Variants in ACOT7 observed in about 807,000 individuals in gnomAD.
The protein encoded by ACOT7 is cytosolic acyl coenzyme A thioester hydrolase.
A neutral mutation model predicts 40.2 loss-of-function variants in ACOT7; 12 were observed. That is an observed-to-expected ratio of 0.30 (90% CI 0.19 to 0.48). The LOEUF (loss-of-function observed/expected upper bound fraction) is 0.48. ACOT7 is among the 20% of genes least tolerant of loss of function. The pLI, the probability that ACOT7 is intolerant of heterozygous loss-of-function variation, is 0.99. For synonymous variants in ACOT7, 228 were observed against 219.5 expected, an observed-to-expected ratio of 1.04 and a Z score of -0.34; for missense variants, 395 against 530.8, an observed-to-expected ratio of 0.74 and a Z score of 2.51.
chr1:6,322,020 GGCCCAC>G (rs112707745), intron 5 of ACOT7, among the ~76,000 whole-genome samples: 2,115 of 152,320 alleles, frequency 0.014, 50 homozygotes, highest in African/African-American at 0.048. Context: ...GACCCTGGCA[GGCCCAC>G]GCTGAAGCAG....
rs1292430264 is a variant in ACOT7, at chr1:6,306,794, G to A, written c.712+11698C>T. 6.2e-6 allele frequency: 8 copies of A among 1,288,472 alleles called. No individual in the cohort carries two copies. Among genetic ancestry groups the A allele is most frequent in the African/African-American group, 1.5e-5 (1 of 65,832 alleles). The allele number at this position is 1,288,472 out of a possible 1,614,324, so 79.8% of individuals were successfully genotyped here. A position where few individuals can be genotyped will look rare whatever the true frequency, so the allele number is the denominator to read the frequency against. ...GGTCTGGTGTGTTGTGTCCCACGTA[G>A]CAGTGGGGGCTCCGGCCAAACAAGG... On this transcript the variant is annotated intron_variant, in intron 6 of 8. Coordinates refer to ENST00000361521, the MANE Select transcript of ACOT7 (RefSeq NM_007274.4). The surrounding 1 kb of genome is among the most constrained non-coding windows in gnomAD (Gnocchi z 4.3).
At position 6,393,342 on chromosome 1, in the gene ACOT7, G is replaced by C; in HGVS notation, c.58C>G (p.Leu20Val). The change falls in exon 1 of 9, where the codon CTG (leucine) becomes GTG (valine). Residue 20 changes from leucine (L) to valine (V), a missense_variant. Around this residue, in one of 2 missense-constraint regions of ACOT7, gnomAD observed 86 missense variants for 60.5 expected, o/e 1.42. Coordinates refer to ENST00000361521, the MANE Select transcript of ACOT7 (RefSeq NM_007274.4). ...GCGGCGGATGCGGCGGGCGGCTGCA[G>C]AAGGGCGCAGGTGTCTGGCAGGCCC... ...APGLPDTCAL[L>V]QPPAASAAAA... The C allele has an allele frequency of 8.0e-7, 1 of 1,254,720 alleles. No homozygotes were observed. Among genetic ancestry groups the C allele is most frequent in the Non-Finnish European group, 1.0e-6 (1 of 999,846 alleles). The allele number at this position is 1,254,720 out of a possible 1,614,324, so 77.7% of individuals were successfully genotyped here. A position where few individuals can be genotyped will look rare whatever the true frequency, so the allele number is the denominator to read the frequency against.
At chr1:6,320,458 T>C (rs1234149277) in intron 5 of ACOT7, among the ~76,000 whole-genome samples, 1 of 152,130 alleles carries the variant, frequency 6.6e-6, no homozygotes, top group African/African-American at 2.4e-5. Flanking sequence ...GCTTTCCTAG[T>C]GGGGTAGATT....
rs1639276639 is a variant in ACOT7, at chr1:6,278,915, G to A, written c.1014+2187C>T. Among the ~76,000 whole-genome samples, 1 of 152,204 alleles carries A rather than the reference G, an allele frequency of 6.6e-6. No homozygotes were observed. The highest frequency in any genetic ancestry group is 2.4e-5 in the African/African-American group (1 of 41,446). The stretch of plus-strand genomic sequence containing the variant: ...CTGTCCATGCTGCCCGCAGAGGGAA[G>A]ACAGAACTGGGAAAGTTTGTCCAGG... On this transcript the variant is annotated intron_variant, in intron 8 of 8. Coordinates refer to ENST00000361521, the MANE Select transcript of ACOT7 (RefSeq NM_007274.4). This position sits in a 1 kb window ranked among gnomAD's most constrained non-coding sequence, Gnocchi z 4.1.
rs952039006 is a variant in ACOT7 at position 6,301,952 on chromosome 1, G to C, written c.713-6972C>G. Among the ~76,000 whole-genome samples, 2 of 152,244 alleles carry C rather than the reference G, an allele frequency of 1.3e-5. No homozygotes were observed. The highest frequency in any genetic ancestry group is 2.4e-5 in the African/African-American group (1 of 41,460). ...CAGAGTTTAGATCAGCGGCAGACCT[G>C]CTATGAAACAACAACTTTATACTAA... is the stretch of plus-strand genomic sequence containing the variant. On this transcript the variant is annotated intron_variant, in intron 6 of 8. Transcript: ENST00000361521. This position sits in a 1 kb window ranked among gnomAD's most constrained non-coding sequence, Gnocchi z 4.1.
chr1:6,308,286 A>C (rs890433659), intron 6 of ACOT7, among the ~76,000 whole-genome samples: 6 of 150,714 alleles, frequency 4.0e-5, no homozygotes, highest in African/African-American at 1.5e-4. Flanking sequence ...AGGAACAGCC[A>C]CAGGCAGAGG....
intron 1 of ACOT7, among the ~76,000 whole-genome samples, chr1:6,350,472 A>G (rs1158263394): frequency 6.6e-6 from 1 of 152,214 alleles, no homozygotes; most frequent in Non-Finnish European, 1.5e-5. Context: ...GTCAGAAGGA[A>G]TGGAAACGCC....
chr1:6,367,656 G>C (rs1343775429), intron 1 of ACOT7, among the ~76,000 whole-genome samples: 1 of 152,224 alleles, frequency 6.6e-6, no homozygotes, highest in Non-Finnish European at 1.5e-5. Context: ...TGGAAGCTTG[G>C]TGACGCCAGG....
chr1:6,342,616 T>C (rs1431202956), intron 2 of ACOT7, among the ~76,000 whole-genome samples: 2 of 152,224 alleles, frequency 1.3e-5, no homozygotes, highest in African/African-American at 4.8e-5. Context: ...TACAGGCACA[T>C]GCAACCACAC....
intron 1 of ACOT7, chr1:6,360,629 C>G (rs756105040): frequency 6.2e-7 from 1 of 1,614,240 alleles, no homozygotes; most frequent in Admixed American, 1.7e-5. Flanking sequence ...CGTTTAGTGA[C>G]AAGCTTCTCC....
intron 5 of ACOT7, among the ~76,000 whole-genome samples, chr1:6,321,233 G>T (rs368734062): frequency 6.6e-5 from 10 of 152,200 alleles, no homozygotes; most frequent in African/African-American, 2.4e-4. Context: ...CCTCCTGCTT[G>T]TCTAGGTTTG....
rs894233452 is a variant in ACOT7, at chr1:6,278,122, C to T, written c.1014+2980G>A. Among the ~76,000 whole-genome samples the T allele has an allele frequency of 5.9e-5, 9 of 152,032 alleles. No homozygotes were observed. Among genetic ancestry groups the T allele is most frequent in the African/African-American group, 1.2e-4 (5 of 41,392 alleles). ...AGGGGGTCTGGGGTGGCGGAGGCGA[C>T]GCTTCTCTAGAGCGGTTGTGGGTGC... is the stretch of plus-strand genomic sequence containing the variant. On this transcript the variant is annotated intron_variant, in intron 8 of 8. Transcript: ENST00000361521. This position sits in a 1 kb window ranked among gnomAD's most constrained non-coding sequence, Gnocchi z 4.1.
chr1:6,295,878 C>CA (rs113578768), intron 6 of ACOT7, among the ~76,000 whole-genome samples: 20,105 of 142,822 alleles, frequency 0.14, 1,729 homozygotes, highest in African/African-American at 0.26. Context: ...TGTGCAAATA[C>CA]AAAAAAAAAA....
chr1:6,309,712 G>A (rs1640278207), intron 6 of ACOT7, among the ~76,000 whole-genome samples: 2 of 152,122 alleles, frequency 1.3e-5, no homozygotes, highest in South Asian at 4.2e-4. Flanking sequence ...GGCTTAATGG[G>A]TCTCACTTTA....
rs376851666 is a variant in ACOT7 at position 6,349,752 on chromosome 1, G to A, written c.258C>T (p.Asn86=). The change falls in exon 2 of 9, where the codon AAC becomes AAT. Residue 86 remains asparagine (N), a synonymous_variant. Transcript: ENST00000361521. ...GGTATGGGGCCCAGACCCTTACCCCGTTCTGGCTGTTGCAATGCCGGGTGC... is the reference window on the plus strand; with the variant it reads ...GGTATGGGGCCCAGACCCTTACCCCATTCTGGCTGTTGCAATGCCGGGTGC... ...IISTRHCNSQ[N]GERCVAALAR... is the part of the protein sequence containing the mutation. 25 of 1,612,918 alleles carry A rather than the reference G, an allele frequency of 1.5e-5. No homozygotes were observed. Among genetic ancestry groups the A allele is most frequent in the African/African-American group, 6.7e-5 (5 of 74,914 alleles).
intron 4 of ACOT7, among the ~76,000 whole-genome samples, chr1:6,332,644 TCTCTA>T (rs991841194): frequency 6.6e-6 from 1 of 151,766 alleles, no homozygotes. Flanking sequence ...AGAAATCCCG[TCTCTA>T]CTAAAAAATA....
At chr1:6,336,887 A>G (rs1414028391) in intron 3 of ACOT7, among the ~76,000 whole-genome samples, 1 of 152,184 alleles carries the variant, frequency 6.6e-6, no homozygotes, top group African/African-American at 2.4e-5. Flanking sequence ...AGCGAGACAG[A>G]GGGGGAGATG....
chr1:6,285,975 G>C (rs1008078619), intron 7 of ACOT7, among the ~76,000 whole-genome samples: 5 of 152,188 alleles, frequency 3.3e-5, no homozygotes, highest in Non-Finnish European at 5.9e-5. Context: ...GAAGGGGAGA[G>C]AGCCTCAAAT....
At chr1:6,329,661 A>G (rs1439366179) in intron 4 of ACOT7, among the ~76,000 whole-genome samples, 1 of 151,786 alleles carries the variant, frequency 6.6e-6, no homozygotes, top group Non-Finnish European at 1.5e-5. Context: ...TGGGAACAAA[A>G]CCGCTGGAAC....
Sources: allele counts gnomAD v4.1 joint callset (sites outside exome capture counted in the v4.1 genomes callset), GRCh38; gene constraint gnomAD v4.1.1; regional missense constraint gnomAD v4.1.1; non-coding constraint Gnocchi (gnomAD v3.1); transcripts MANE v1.5; gene names NCBI Gene and HGNC (gene_info 2026-07-23, HGNC 2026-07-21).